CAND2: variants seen among roughly 807,000 people sequenced by gnomAD.
The protein encoded by CAND2 is cullin associated and neddylation dissociated 2 (putative), also known as cullin-associated NEDD8-dissociated protein 2.
Under a neutral mutation model 98.9 loss-of-function variants are expected in CAND2, and 62 were observed. The ratio of observed to expected loss-of-function variants is 0.63; its 90% confidence interval spans 0.51 to 0.77. CAND2 has a LOEUF of 0.77. Ranked by LOEUF, CAND2 falls within the 30% of genes least tolerant of loss-of-function variation. The pLI is 0.00. For missense variants in CAND2, 1,501 were observed against 1,655.2 expected, an observed-to-expected ratio of 0.91 and a Z score of 1.62; for synonymous variants, 770 against 731.9, an observed-to-expected ratio of 1.05 and a Z score of -0.84.
At position 12,815,137 on chromosome 3, in the gene CAND2, C is replaced by A; in HGVS notation, c.1007-4C>A. 6.2e-7 allele frequency: 1 copy of A among 1,601,560 alleles called. No homozygotes were observed. Among genetic ancestry groups the A allele is most frequent in the Non-Finnish European group, 8.5e-7 (1 of 1,171,174 alleles). On this transcript the variant is annotated splice_polypyrimidine_tract_variant and splice_region_variant and intron_variant, in intron 7 of 14. Coordinates refer to ENST00000456430, the MANE Select transcript of CAND2 (RefSeq NM_001162499.2). The surrounding 1 kb of genome is among the most constrained non-coding windows in gnomAD (Gnocchi z 5.7). Reference sequence around the variant, plus strand: ...GTTCCACGTGTGTCTTGTTCCTGCCCCAGAGAGTGAAGACGAGTACAGCGA... The same window carrying A: ...GTTCCACGTGTGTCTTGTTCCTGCCACAGAGAGTGAAGACGAGTACAGCGA...
intron 2 of CAND2, among the ~76,000 whole-genome samples, chr3:12,804,017 C>T (rs1445682496): frequency 1.3e-5 from 2 of 152,074 alleles, no homozygotes; most frequent in East Asian, 1.9e-4. Flanking sequence ...GGGTATTAAT[C>T]CACCAGCTCC....
In CAND2 at chr3:12,816,688, G is replaced by A. The variant is rs1193356464; in HGVS notation, c.1756G>A (p.Glu586Lys). The A allele has an allele frequency of 6.2e-7, 1 of 1,613,622 alleles. No individual in the cohort carries two copies. The highest frequency in any genetic ancestry group is 8.5e-7 in the Non-Finnish European group (1 of 1,180,054). Residue 586 changes from glutamate (E) to lysine (K), a missense_variant, in exon 10 of 15, where the codon GAG (glutamate) becomes AAG (lysine). Physicochemically the swap from Glu to Lys is moderately conservative, Grantham distance 56. Transcript: ENST00000456430. ...ACTTCGTGCCACTGACCTGGACCAG[G>A]AGGTGAAGGAGCGGGCCATTTCCTG... ...ARLRATDLDQEVKERAISCMG... is the reference protein window; with the variant it reads ...ARLRATDLDQKVKERAISCMG...
chr3:12,811,135 A>ACC (rs372820556), intron 5 of CAND2, among the ~76,000 whole-genome samples: 5 of 150,428 alleles, frequency 3.3e-5, no homozygotes, highest in Non-Finnish European at 5.9e-5. Context: ...GGGGGGGGGA[A>ACC]CCCCAGCTGA....
intron 11 of CAND2, among the ~76,000 whole-genome samples, chr3:12,821,953 G>A (rs949070769): frequency 6.6e-6 from 1 of 152,134 alleles, no homozygotes; most frequent in African/African-American, 2.4e-5. Context: ...GAATTTTTGA[G>A]TACATAAAAT....
intron 10 of CAND2, 88 bp from the exon 11 acceptor site, chr3:12,819,998 C>T (rs2061943327): frequency 2.0e-6 from 2 of 1,000,000 alleles, no homozygotes; most frequent in South Asian, 1.3e-5. Context: ...TCCAGGGAAG[C>T]AGGGGGAGGA....
chr3:12,817,303 G>A lies in CAND2; in HGVS notation c.2371G>A (p.Asp791Asn). Residue 791 changes from aspartate to asparagine, a missense_variant, in exon 10 of 15, where the codon GAT (aspartate) becomes AAT (asparagine). By Grantham distance (23) the Asp-to-Asn change is conservative. Around this residue, in one of 3 missense-constraint regions of CAND2, gnomAD observed 1,427 missense variants for 1,545.3 expected, o/e 0.92. Transcript: ENST00000456430. ...TGCGCCTGTTTATGAGCAGGCTGTG[G>A]ATGGTGGGCCTGGCCTGCACAAGCA... ...LTAPVYEQAV[D>N]GGPGLHKQVF... is the part of the protein sequence containing the mutation. 1 of 1,613,964 alleles carries A rather than the reference G, an allele frequency of 6.2e-7. No homozygotes were observed.
chr3:12,819,929 G>A (rs2061942748), intron 10 of CAND2, among the ~76,000 whole-genome samples, 157 bp from the exon 11 acceptor site: 1 of 152,140 alleles, frequency 6.6e-6, no homozygotes, highest in African/African-American at 2.4e-5. Context: ...ATTCAAGGCT[G>A]CCAAGGGAAA....
intron 1 of CAND2, among the ~76,000 whole-genome samples, chr3:12,801,457 C>T (rs569777664): frequency 3.0e-4 from 45 of 152,366 alleles, no homozygotes; most frequent in African/African-American, 1.0e-3. Context: ...GACCTCTGCT[C>T]CTACCCTCTT....
chr3:12,809,905 T>C, intron 4 of CAND2, 154 bp from the exon 5 acceptor site: 1 of 786,044 alleles, frequency 1.3e-6, no homozygotes, highest in South Asian at 2.6e-5. Context: ...ATTAAAATAA[T>C]TCCTCCTCAC....
rs1488718390 is a variant in CAND2, at chr3:12,813,318, C to T, written c.936C>T (p.Pro312=). ...GCCTCCAATACATAAAACACGACCC[C>T]AACTACAACTACGACAGTGATGAGG... is the stretch of plus-strand genomic sequence containing the variant. ...SLCLQYIKHD[P]NYNYDSDEDE... Residue 312 remains proline (P), a synonymous_variant, in exon 7 of 15, where the codon CCC becomes CCT. Transcript: ENST00000456430. 1 of 1,614,158 alleles carries T rather than the reference C, an allele frequency of 6.2e-7. No individual in the cohort carries two copies. The highest frequency in any genetic ancestry group is 8.5e-7 in the Non-Finnish European group (1 of 1,180,024).
chr3:12,830,821 C>T (rs944187860), intron 13 of CAND2, among the ~76,000 whole-genome samples: 102 of 152,248 alleles, frequency 6.7e-4, no homozygotes, highest in Non-Finnish European at 4.4e-5. Flanking sequence ...TCCTTGCTGC[C>T]GTGGGCTGGG....
At chr3:12,812,963 G>C (rs377569570) in intron 5 of CAND2, 27 bp from the exon 6 acceptor site, 30 of 1,448,356 alleles carry the variant, frequency 2.1e-5, no homozygotes, top group Non-Finnish European at 2.4e-5. Context: ...GTCTGGCTTG[G>C]GTTCAGTGAT....
chr3:12,812,430 C>G (rs1417209098), intron 5 of CAND2, among the ~76,000 whole-genome samples: 3 of 123,160 alleles, frequency 2.4e-5, no homozygotes, highest in Non-Finnish European at 4.9e-5. Context: ...CGGAGTCTCG[C>G]TCTGTCGCCC....
chr3:12,820,261 A>G (rs2061946785), intron 11 of CAND2, 80 bp downstream of exon 11: 3 of 1,094,132 alleles, frequency 2.7e-6, no homozygotes, highest in Non-Finnish European at 4.1e-6. Context: ...TTTACTACCC[A>G]ATAGCCAAGG....
chr3:12,827,642 T>C (rs913760782), intron 13 of CAND2, 38 bp downstream of exon 13: 3 of 1,561,084 alleles, frequency 1.9e-6, no homozygotes, highest in Non-Finnish European at 2.6e-6. Context: ...TGTGCCCCTG[T>C]ACCAAGGGAT....
At chr3:12,827,706 C>A in intron 13 of CAND2, 102 bp downstream of exon 13, 1 of 1,132,474 alleles carries the variant, frequency 8.8e-7, no homozygotes, top group Non-Finnish European at 1.2e-6. Context: ...ACTCCAGGCA[C>A]CCAATGAAAA....
intron 14 of CAND2, 83 bp downstream of exon 14, chr3:12,831,655 ACTT>A (rs766859680): frequency 1.2e-6 from 1 of 815,378 alleles, no homozygotes; most frequent in Non-Finnish European, 2.0e-6. Flanking sequence ...CTTACTGAGC[ACTT>A]CCTGCAGTGC....
chr3:12,815,169 T>C lies in CAND2; in HGVS notation c.1035T>C (p.Asp345=), dbSNP rs765174988. 1.1e-5 allele frequency: 18 copies of C among 1,612,418 alleles called. No individual in the cohort carries two copies. The highest frequency in any genetic ancestry group is 1.5e-5 in the Non-Finnish European group (18 of 1,178,882). The change falls in exon 8 of 15, where the codon GAT becomes GAC. Residue 345 remains aspartate, a synonymous_variant. Transcript: ENST00000456430. The surrounding 1 kb of genome is among the most constrained non-coding windows in gnomAD (Gnocchi z 5.7). Reference sequence around the variant, plus strand: ...GTGAAGACGAGTACAGCGATGACGATGACATGAGCTGGAAGGTGCGCCGGG... The same window carrying C: ...GTGAAGACGAGTACAGCGATGACGACGACATGAGCTGGAAGGTGCGCCGGG... ...QESEDEYSDD[D]DMSWKVRRAA... is the part of the protein sequence containing the mutation.
intron 14 of CAND2, 91 bp downstream of exon 14, chr3:12,831,663 C>CAGGA: frequency 1.4e-6 from 1 of 729,396 alleles, no homozygotes; most frequent in Non-Finnish European, 2.3e-6. Context: ...GCACTTCCTG[C>CAGGA]AGTGCAGGTG....
Sources: gnomAD v4.1 joint callset for allele counts (sites outside exome capture counted in the v4.1 genomes callset) on GRCh38, gnomAD v4.1.1 for gene constraint, gnomAD v4.1.1 regional missense constraint, Gnocchi (gnomAD v3.1) non-coding constraint, MANE v1.5 for transcripts, NCBI Gene and HGNC (gene_info 2026-07-23, HGNC 2026-07-21) for gene names.